Variants in CCSER1 observed in about 807,000 individuals in gnomAD.
CCSER1 encodes serine-rich coiled-coil domain-containing protein 1.
CCSER1 carries 41 observed loss-of-function variants against 82.0 expected under a neutral mutation model. That is an observed-to-expected ratio of 0.50 (90% confidence interval 0.39 to 0.65). The LOEUF (loss-of-function observed/expected upper bound fraction) is 0.65. Among genes scored for constraint, CCSER1 ranks in the 30% least tolerant of loss-of-function variants. CCSER1 has a pLI of 0.00. For synonymous variants in CCSER1, 414 were observed against 383.9 expected (o/e 1.08, Z -0.92); for missense variants, 1,119 against 1,064.2 (o/e 1.05, Z -0.72).
chr4:90,140,279 G>T (rs1487381282), intron 1 of CCSER1, among the ~76,000 whole-genome samples: 1 of 152,140 alleles, frequency 6.6e-6, no homozygotes, highest in Non-Finnish European at 1.5e-5. Context: ...TTAAAGGGAT[G>T]AATTTTCGCA....
At chr4:90,518,128 G>A (rs912500277) in intron 5 of CCSER1, among the ~76,000 whole-genome samples, 6 of 152,146 alleles carry the variant, frequency 3.9e-5, no homozygotes, top group Non-Finnish European at 7.4e-5. Context: ...GGAATGATAT[G>A]GTTTTAAATC....
chr4:90,310,349 T>C (rs907593950), intron 2 of CCSER1, among the ~76,000 whole-genome samples: 54 of 152,092 alleles, frequency 3.6e-4, no homozygotes, highest in African/African-American at 1.2e-3. Flanking sequence ...TTTGAATATA[T>C]ACCACCTGCT....
chr4:91,573,431 G>T (rs1246153519), intron 10 of CCSER1, among the ~76,000 whole-genome samples: 1 of 152,160 alleles, frequency 6.6e-6, no homozygotes, highest in Non-Finnish European at 1.5e-5. Context: ...GAAAGTCCAA[G>T]GACCTAAGGC....
chr4:90,975,979 T>A (rs970345676), intron 9 of CCSER1, among the ~76,000 whole-genome samples: 2 of 151,280 alleles, frequency 1.3e-5, no homozygotes, highest in African/African-American at 4.8e-5. Context: ...TAAATCTAAT[T>A]TTGCCTTTTA....
intron 10 of CCSER1, among the ~76,000 whole-genome samples, chr4:91,550,299 A>G (rs1728171380): frequency 6.6e-6 from 1 of 152,132 alleles, no homozygotes; most frequent in Non-Finnish European, 1.5e-5. Context: ...GTGGCACCGT[A>G]TGTCACTCCA....
intron 10 of CCSER1, among the ~76,000 whole-genome samples, chr4:91,574,337 G>C (rs1317802497): frequency 6.6e-6 from 1 of 152,080 alleles, no homozygotes; most frequent in Non-Finnish European, 1.5e-5. Context: ...AAAACAGTGT[G>C]TACATTTCTC....
At position 91,162,018 on chromosome 4, in the gene CCSER1, C is replaced by T. The variant is rs116694864; in HGVS notation, c.2217+76024C>T. Among the ~76,000 whole-genome samples, 905 of 152,262 alleles carry T rather than the reference C, an allele frequency of 5.9e-3. 7 individuals are homozygous for T. The highest frequency in any genetic ancestry group is 9.4e-3 in the Non-Finnish European group (638 of 68,012). On this transcript the variant is annotated intron_variant, in intron 10 of 10. Coordinates refer to ENST00000509176, the MANE Select transcript of CCSER1 (RefSeq NM_001145065.2). ...GGCATCCTTGTCTGGTGCCAGATTT[C>T]AAAGGGAATGCTTGCAGTTTTTGCC...
At chr4:90,369,078 C>A (rs918261920) in intron 3 of CCSER1, among the ~76,000 whole-genome samples, 2 of 151,800 alleles carry the variant, frequency 1.3e-5, no homozygotes, top group Non-Finnish European at 2.9e-5. Flanking sequence ...TAAATAATAT[C>A]TGTGGAATTA....
chr4:91,519,461 A>G (rs1760329281), intron 10 of CCSER1, among the ~76,000 whole-genome samples: 1 of 152,198 alleles, frequency 6.6e-6, no homozygotes, highest in South Asian at 2.1e-4. Flanking sequence ...CATGCAGACA[A>G]TCACTGCTCA....
At position 90,686,799 on chromosome 4, in the gene CCSER1, C is replaced by A. The variant is rs140366427; in HGVS notation, c.1933-37115C>A. Among the ~76,000 whole-genome samples, 18 of 152,222 alleles carry A rather than the reference C, an allele frequency of 1.2e-4. No individual in the cohort carries two copies. The East Asian group carries it at 3.3e-3, about 28-fold the overall frequency. ...AGATTTGAAGAATAGAGCAAATTGT[C>A]TTTATCCTTGCTTTATCTCCTCTCC... On this transcript the variant is annotated intron_variant, in intron 6 of 10. Transcript: ENST00000509176.
At chr4:90,357,706 A>C (rs771469112) in intron 3 of CCSER1, among the ~76,000 whole-genome samples, 1 of 152,048 alleles carries the variant, frequency 6.6e-6, no homozygotes, top group Non-Finnish European at 1.5e-5. Flanking sequence ...TTAAAATTTG[A>C]CAAATCATGG....
At chr4:90,218,001 A>G (rs924945537) in intron 1 of CCSER1, among the ~76,000 whole-genome samples, 8 of 151,780 alleles carry the variant, frequency 5.3e-5, no homozygotes, top group African/African-American at 1.9e-4. Flanking sequence ...GGGTCTTACT[A>G]TGTTGCCCAA....
intron 10 of CCSER1, among the ~76,000 whole-genome samples, chr4:91,435,271 C>G (rs1754582212): frequency 6.6e-6 from 1 of 151,954 alleles, no homozygotes; most frequent in Non-Finnish European, 1.5e-5. Context: ...GAAACTCTGT[C>G]TCTACAAAAA....
At chr4:90,147,519 G>A (rs1186218136) in intron 1 of CCSER1, among the ~76,000 whole-genome samples, 1 of 152,018 alleles carries the variant, frequency 6.6e-6, no homozygotes, top group East Asian at 1.9e-4. Context: ...GTACCTTACA[G>A]GCTATTCTAG....
intron 10 of CCSER1, among the ~76,000 whole-genome samples, chr4:91,265,256 TA>T (rs1741486140): frequency 6.6e-6 from 1 of 152,048 alleles, no homozygotes; most frequent in Non-Finnish European, 1.5e-5. Flanking sequence ...ACAATTTAAT[TA>T]AAAATTAAGC....
At chr4:90,820,835 C>T (rs957638743) in intron 8 of CCSER1, among the ~76,000 whole-genome samples, 5 of 151,606 alleles carry the variant, frequency 3.3e-5, no homozygotes, top group Admixed American at 2.0e-4. Flanking sequence ...ATGTGAAAAA[C>T]GTATATTGTA....
rs369336062 is a variant in CCSER1 at position 90,390,474 on chromosome 4, G to A, written c.1510-9562G>A. On this transcript the variant is annotated intron_variant, in intron 3 of 10. Coordinates refer to ENST00000509176, the MANE Select transcript of CCSER1 (RefSeq NM_001145065.2). Reference sequence around the variant, plus strand: ...TGCCAAGTAGTCCCCAGTGTCTATTGTTGCCATCTTTTTGACCAGTATTAC... The same window carrying A: ...TGCCAAGTAGTCCCCAGTGTCTATTATTGCCATCTTTTTGACCAGTATTAC... Among the ~76,000 whole-genome samples, 17 of 152,126 alleles carry A rather than the reference G, an allele frequency of 1.1e-4. No individual in the cohort carries two copies. In the East Asian group the frequency reaches 1.5e-3, roughly 14 times the overall value.
chr4:91,138,829 TGAAAAA>T, intron 10 of CCSER1, among the ~76,000 whole-genome samples: 2 of 151,770 alleles, frequency 1.3e-5, no homozygotes, highest in African/African-American at 4.8e-5. Context: ...AAAAAACACA[TGAAAAA>T]ATGCTCATCA....
rs113210739 is a variant in CCSER1, at chr4:90,341,031, C to T, written c.1509+27984C>T. On this transcript the variant is annotated intron_variant, in intron 3 of 10. Transcript: ENST00000509176. ...GACATGAATAACAGTAATGAGTTTT[C>T]GCTGTAAAGAGAGCTGTGATATAAT... Among the ~76,000 whole-genome samples, 872 of 152,020 alleles carry T rather than the reference C, an allele frequency of 5.7e-3. 1 individual carries two copies. Among genetic ancestry groups the T allele is most frequent in the Non-Finnish European group, 9.1e-3 (616 of 67,902 alleles).
Sources: gnomAD v4.1 joint callset for allele counts (sites outside exome capture counted in the v4.1 genomes callset) on GRCh38, gnomAD v4.1.1 for gene constraint, MANE v1.5 for transcripts, NCBI Gene and HGNC (gene_info 2026-07-23, HGNC 2026-07-21) for gene names.